Variants in CACNA1F observed in about 807,000 individuals in gnomAD.
CACNA1F encodes calcium voltage-gated channel subunit alpha1 F, also known as voltage-dependent L-type calcium channel subunit alpha-1F.
In CACNA1F, 59 loss-of-function variants were observed where a neutral mutation model predicts 143.8. The ratio of observed to expected loss-of-function variants is 0.41; its 90% CI spans 0.33 to 0.51. The LOEUF (loss-of-function observed/expected upper bound fraction) is 0.51. Ranked by LOEUF, CACNA1F falls within the 20% of genes least tolerant of loss-of-function variation. The pLI is 0.22. For synonymous variants in CACNA1F, 643 were observed against 649.1 expected (o/e 0.99, Z 0.14); for missense variants, 1,411 against 1,647.5 (o/e 0.86, Z 2.48).
intron 24 of CACNA1F, 79 bp from the exon 25 acceptor site, chrX:49,218,084 A>C: frequency 1.4e-6 from 1 of 718,453 alleles, no homozygotes; most frequent in Non-Finnish European, 2.2e-6. Flanking sequence ...TCATAGATGC[A>C]GCTGAGGGAC....
At chrX:49,223,717 G>GT (rs1174664897) in intron 14 of CACNA1F, among the ~76,000 whole-genome samples, 31 of 88,931 alleles carry the variant, frequency 3.5e-4, no homozygotes, top group South Asian at 5.8e-4. Flanking sequence ...TTAGGATGGA[G>GT]TTTTTTTTTT....
At chrX:49,214,347 G>T in intron 29 of CACNA1F, 78 bp from the exon 30 acceptor site, 1 of 616,041 alleles carries the variant, frequency 1.6e-6, no homozygotes, top group Non-Finnish European at 2.8e-6. Context: ...CCTGGCCTGG[G>T]CTGAGACGAG....
At position 49,226,233 on chromosome X, in the gene CACNA1F, T is replaced by C. The variant is rs1602650208; in HGVS notation, c.1474A>G (p.Met492Val). 2.5e-6 allele frequency: 3 copies of C among 1,206,617 alleles called. No individual in the cohort carries two copies. Among genetic ancestry groups the C allele is most frequent in the Non-Finnish European group, 3.4e-6 (3 of 892,085 alleles). The change falls in exon 12 of 48, where the codon ATG (methionine) becomes GTG (valine). Residue 492 changes from methionine (M) to valine (V), a missense_variant. Around this residue, in one of 3 missense-constraint regions of CACNA1F, gnomAD observed 950 missense variants for 1,128.1 expected, o/e 0.84. Coordinates refer to ENST00000323022, the MANE Select transcript of CACNA1F (RefSeq NM_001256789.3). ...CCAACTCACCAGACTCTGGTTTTCA[T>C]GATCTTGTTTCTGAAAAAGAAGGGG... Reference protein sequence around the residue: ...ASCTRCLNKIMKTRVCRRLRR... With the variant: ...ASCTRCLNKIVKTRVCRRLRR...
chrX:49,206,480 C>T lies in CACNA1F; in HGVS notation c.5472+31G>A, dbSNP rs782547042. 6 of 1,067,209 alleles carry T rather than the reference C, an allele frequency of 5.6e-6. No homozygotes were observed. The South Asian group carries it at 1.1e-4, about 20-fold the overall frequency. 87.9% of individuals were successfully genotyped at this position (1,067,209 alleles called of 1,213,427 possible). A position where few individuals can be genotyped will look rare whatever the true frequency, so the allele number is the denominator to read the frequency against. ...TAGGCTGCCCCCATCTCTCCAGACC[C>T]CAGACCCCAGCACCACCTCCACAGC... On this transcript the variant is annotated intron_variant, in intron 46 of 47. Coordinates refer to ENST00000323022, the MANE Select transcript of CACNA1F (RefSeq NM_001256789.3).
Position 49,210,573 on chromosome X carries a change from T to C in CACNA1F, c.4485+17A>G, listed in dbSNP as rs782723433. The stretch of plus-strand genomic sequence containing the variant: ...GACAGTTCTCTCAGGAGCCTGGGGG[T>C]GGGCAGGTGCACAGACCTTGCAGGC... On this transcript the variant is annotated intron_variant, in intron 38 of 47. Coordinates refer to ENST00000323022, the MANE Select transcript of CACNA1F (RefSeq NM_001256789.3). 16 of 1,185,262 alleles carry C rather than the reference T, an allele frequency of 1.3e-5. No individual in the cohort carries two copies. The South Asian group carries it at 2.5e-4, about 19-fold the overall frequency.
intron 14 of CACNA1F, 64 bp from the exon 15 acceptor site, chrX:49,223,200 G>T (rs930169113): frequency 7.8e-6 from 6 of 769,654 alleles, no homozygotes; most frequent in Non-Finnish European, 1.2e-5. Context: ...TGGAGCATCA[G>T]GAGCCAGGGC....
chrX:49,230,412 C>A (rs782534940), intron 5 of CACNA1F, 40 bp from the exon 6 acceptor site: 4 of 1,204,257 alleles, frequency 3.3e-6, no homozygotes, highest in Non-Finnish European at 4.5e-6. Context: ...AGGGCGGGGT[C>A]AGCTCAGCCC....
intron 21 of CACNA1F, 71 bp from the exon 22 acceptor site, chrX:49,219,012 G>T (rs1054469760): frequency 5.6e-5 from 52 of 934,002 alleles, no homozygotes; most frequent in Non-Finnish European, 7.5e-5. Flanking sequence ...TTCTCAAAAG[G>T]CTTGGCCATC....
chrX:49,222,559 C>T lies in CACNA1F; in HGVS notation c.2251G>A (p.Ala751Thr), dbSNP rs1182190028. 1 of 1,210,711 alleles carries T rather than the reference C, an allele frequency of 8.3e-7. No homozygotes were observed. Among genetic ancestry groups the T allele is most frequent in the Non-Finnish European group, 1.1e-6 (1 of 894,960 alleles). ...TTGGCAGTGCCTGCATCTCCACTGG[C>T]CAGGTTGTCCACAGCAATGGCAAGA... Reference protein sequence around the residue: ...VFLAIAVDNLASGDAGTAKDK... With the variant: ...VFLAIAVDNLTSGDAGTAKDK... The change falls in exon 17 of 48, where the codon GCC becomes ACC. Residue 751 changes from alanine (A) to threonine (T), a missense_variant. By Grantham distance (58) the Ala-to-Thr change is moderately conservative (BLOSUM62 0). Coordinates refer to ENST00000323022, the MANE Select transcript of CACNA1F (RefSeq NM_001256789.3).
rs782677159 is a variant in CACNA1F, at chrX:49,209,178, C to T, written c.4953+84G>A. ...GGGGGCTTCTCTGGGGGAGCTTCTT[C>T]CCAGAAGCAGTGTCAAAATCACTCA... On this transcript the variant is annotated intron_variant, in intron 42 of 47. Coordinates refer to ENST00000323022, the MANE Select transcript of CACNA1F (RefSeq NM_001256789.3). The T allele has an allele frequency of 9.1e-5, 103 of 1,126,051 alleles. 1 individual carries two copies. In the South Asian group the frequency reaches 1.9e-3, roughly 20 times the overall value. The allele number at this position is 1,126,051 out of a possible 1,213,427, so 92.8% of individuals were successfully genotyped here.
In CACNA1F at chrX:49,209,644, G is replaced by A. The variant is rs782254932; in HGVS notation, c.4806C>T (p.Thr1602=). 3 of 1,209,846 alleles carry A rather than the reference G, an allele frequency of 2.5e-6. No individual in the cohort carries two copies. The highest frequency in any genetic ancestry group is 2.2e-5 in the Admixed American group (1 of 45,859). ...CCCCGAAGACCTGAAGGGCGGAAGA[G>A]GTGCTAGGGGCGGCGTCGTTGCCTA... ...GLLGNDAAPS[T]SSALQAGLRS... The change falls in exon 41 of 48, where the codon ACC becomes ACT. Residue 1602 remains threonine, a synonymous_variant. Coordinates refer to ENST00000323022, the MANE Select transcript of CACNA1F (RefSeq NM_001256789.3).
rs1207518269 is a variant in CACNA1F, at chrX:49,205,714, T to C, written c.5572A>G (p.Ser1858Gly). ...AAGEGYLGRS[S>G]GPLRTFTCLH... ...CAGGTGAAGGTGCGCAGTGGGCCAC[T>C]GGATCTGCCGAGGTACCCCTCCCCC... Residue 1858 changes from serine to glycine, a missense_variant, in exon 47 of 48, where the codon AGT (serine) becomes GGT (glycine). Physicochemically the swap from Ser to Gly is moderately conservative, Grantham distance 56. Coordinates refer to ENST00000323022, the MANE Select transcript of CACNA1F (RefSeq NM_001256789.3). 1 of 1,203,320 alleles carries C rather than the reference T, an allele frequency of 8.3e-7. No homozygotes were observed. Among genetic ancestry groups the C allele is most frequent in the Non-Finnish European group, 1.1e-6 (1 of 891,765 alleles).
At position 49,205,228 on chromosome X, in the gene CACNA1F, G is replaced by A. The variant is rs1557104512; in HGVS notation, c.5810C>T (p.Thr1937Ile). The change falls in exon 48 of 48, where the codon ACC (threonine) becomes ATC (isoleucine). Residue 1937 changes from threonine to isoleucine, a missense_variant. By Grantham distance (89) the Thr-to-Ile change is moderately conservative (BLOSUM62 -1). This residue lies in a region of CACNA1F where 349 missense variants were observed against 350.2 expected (regional missense o/e 1.00). Coordinates refer to ENST00000323022, the MANE Select transcript of CACNA1F (RefSeq NM_001256789.3). ...NAASDLLAQGTSSLYSDEESI... is the reference protein window; with the variant it reads ...NAASDLLAQGISSLYSDEESI... ...CTCCTCGTCGCTATAGAGAGAGCTG[G>A]TTCCCTGTGCCAGCAGGTCACTGGC... is the stretch of plus-strand genomic sequence containing the variant. The A allele has an allele frequency of 2.5e-6, 3 of 1,210,335 alleles. No homozygotes were observed. Among genetic ancestry groups the A allele is most frequent in the Admixed American group, 2.2e-5 (1 of 45,988 alleles).
chrX:49,212,808 G>A lies in CACNA1F; in HGVS notation c.3814-13C>T, dbSNP rs1557106579. ...TGTCCTCAGAGCTCTGGGGTGAGGG[G>A]TGCAGTAGGGATGCTCAGTTTGCAT... On this transcript the variant is annotated splice_polypyrimidine_tract_variant and intron_variant, in intron 32 of 47. Coordinates refer to ENST00000323022, the MANE Select transcript of CACNA1F (RefSeq NM_001256789.3). The A allele has an allele frequency of 1.7e-6, 2 of 1,208,971 alleles. No individual in the cohort carries two copies. Among genetic ancestry groups the A allele is most frequent in the Admixed American group, 2.2e-5 (1 of 45,879 alleles).
rs782767324 is a variant in CACNA1F, at chrX:49,228,025, A to C, written c.1118+11T>G. 8.7e-7 allele frequency: 1 copy of C among 1,147,662 alleles called. No homozygotes were observed. The highest frequency in any genetic ancestry group is 1.8e-5 in the South Asian group (1 of 55,372). 94.6% of individuals were successfully genotyped at this position (1,147,662 alleles called of 1,213,427 possible). A position where few individuals can be genotyped will look rare whatever the true frequency, so the allele number is the denominator to read the frequency against. The stretch of plus-strand genomic sequence containing the variant: ...GAGGGGTGGGAAGCAGGGAGTGTCT[A>C]GGTCTCTCACCCACTCAGGACGCCA... On this transcript the variant is annotated intron_variant, in intron 8 of 47. Transcript: ENST00000323022.
chrX:49,213,065 T>G (rs958601518), intron 31 of CACNA1F, 71 bp from the exon 32 acceptor site: 1 of 897,032 alleles, frequency 1.1e-6, no homozygotes, highest in Non-Finnish European at 1.6e-6. Context: ...ATGAACAAGG[T>G]GAGATATGAT....
Position 49,223,105 on chromosome X carries a change from A to T in CACNA1F, c.1909T>A (p.Ser637Thr), listed in dbSNP as rs2065789730. Residue 637 changes from serine (S) to threonine (T), a missense_variant, in exon 15 of 48, where the codon TCC (serine) becomes ACC (threonine). Ser to Thr is a moderately conservative substitution (Grantham distance 58). This residue lies in a region of CACNA1F where 950 missense variants were observed against 1,128.1 expected (regional missense o/e 0.84). Coordinates refer to ENST00000323022, the MANE Select transcript of CACNA1F (RefSeq NM_001256789.3). ...HWASLSNLVA[S>T]LLNSMKSIAS... ...ATGGATTTCATTGAATTGAGCAGGGATGCCACCAGATTGCTCAGAGAAGCC... is the reference window on the plus strand; with the variant it reads ...ATGGATTTCATTGAATTGAGCAGGGTTGCCACCAGATTGCTCAGAGAAGCC... The T allele has an allele frequency of 8.3e-7, 1 of 1,198,948 alleles. No homozygotes were observed. The highest frequency in any genetic ancestry group is 1.1e-6 in the Non-Finnish European group (1 of 888,710).
Position 49,222,930 on chromosome X carries a change from T to C in CACNA1F, c.2084A>G (p.Gln695Arg). The C allele has an allele frequency of 4.2e-6, 4 of 958,016 alleles. No homozygotes were observed. The highest frequency in any genetic ancestry group is 5.6e-6 in the Non-Finnish European group (4 of 708,035). The allele number at this position is 958,016 out of a possible 1,213,427, so 79.0% of individuals were successfully genotyped here. A position where few individuals can be genotyped will look rare whatever the true frequency, so the allele number is the denominator to read the frequency against. ...TFPQALLTVF[Q>R]ILTGEDWNVV... ...CATCCCATGGTCTCCAGATCCTACC[T>C]GAAAGACAGTGAGGAGGGCCTGGGG... The change falls in exon 15 of 48, where the codon CAG becomes CGG. Residue 695 changes from glutamine (Q) to arginine (R), a missense_variant and splice_region_variant. Gln to Arg is a conservative substitution (Grantham distance 43). Around this residue, in one of 3 missense-constraint regions of CACNA1F, gnomAD observed 950 missense variants for 1,128.1 expected, o/e 0.84. Coordinates refer to ENST00000323022, the MANE Select transcript of CACNA1F (RefSeq NM_001256789.3).
intron 37 of CACNA1F, 129 bp downstream of exon 37, chrX:49,210,836 G>T: frequency 1.1e-6 from 1 of 873,667 alleles, no homozygotes; most frequent in Non-Finnish European, 1.7e-6. Context: ...CAGAGGATGG[G>T]GCAGTGGAAA....
Sources: gnomAD v4.1 joint callset for allele counts (sites outside exome capture counted in the v4.1 genomes callset) on GRCh38, gnomAD v4.1.1 for gene constraint, gnomAD v4.1.1 regional missense constraint, MANE v1.5 for transcripts, NCBI Gene and HGNC (gene_info 2026-07-23, HGNC 2026-07-21) for gene names.